HS3ST5: variants seen among roughly 807,000 people sequenced by gnomAD.
HS3ST5 encodes the protein heparan sulfate-glucosamine 3-sulfotransferase 5.
A neutral mutation model predicts 25.4 loss-of-function variants in HS3ST5; 10 were observed. That is an observed-to-expected ratio of 0.39 (90% CI 0.24 to 0.67). HS3ST5 has a LOEUF of 0.67. Ranked by LOEUF, HS3ST5 falls within the 30% of genes least tolerant of loss-of-function variation. HS3ST5 has a pLI of 0.44. For synonymous variants in HS3ST5, 170 were observed against 162.4 expected, an observed-to-expected ratio of 1.05 and a Z score of -0.36; for missense variants, 324 against 420.7, an observed-to-expected ratio of 0.77 and a Z score of 2.01.
At chr6:114,145,482 T>C (rs1582649729) in intron 3 of HS3ST5, among the ~76,000 whole-genome samples, 2 of 151,930 alleles carry the variant, frequency 1.3e-5, no homozygotes, top group Admixed American at 6.6e-5. Context: ...GAGAGACAGG[T>C]CCCCAAACCA....
chr6:114,322,560 T>C (rs1020805849), intron 1 of HS3ST5, among the ~76,000 whole-genome samples: 3 of 152,270 alleles, frequency 2.0e-5, no homozygotes, highest in Middle Eastern at 3.4e-3. Context: ...ATAAATTCCC[T>C]GTTGATAATG....
intron 3 of HS3ST5, among the ~76,000 whole-genome samples, chr6:114,071,304 C>T (rs919335972): frequency 5.3e-5 from 8 of 152,140 alleles, no homozygotes; most frequent in East Asian, 1.9e-4. Context: ...ATGCTAGACA[C>T]GTAGATGGAT....
chr6:114,191,381 A>G (rs898930385), intron 2 of HS3ST5, among the ~76,000 whole-genome samples: 3 of 152,230 alleles, frequency 2.0e-5, no homozygotes, highest in Non-Finnish European at 4.4e-5. Flanking sequence ...GCTTGAAGAA[A>G]AAACACATGA....
intron 3 of HS3ST5, among the ~76,000 whole-genome samples, chr6:114,119,140 C>T (rs1365223121): frequency 1.3e-5 from 2 of 152,132 alleles, no homozygotes; most frequent in African/African-American, 4.8e-5. Flanking sequence ...AGAAGAGGCA[C>T]ACAGTGAATG....
chr6:114,313,025 GAAAAAAAAAAAAAAAAAA>G (rs5879258), intron 1 of HS3ST5, among the ~76,000 whole-genome samples: 14 of 16,126 alleles, frequency 8.7e-4, no homozygotes, highest in African/African-American at 3.3e-3. Flanking sequence ...CCCTGCATCA[GAAAAAAAAAAAAAAAAAA>G]AAAAAAAAAA....
At chr6:114,223,609 AG>A in intron 2 of HS3ST5, among the ~76,000 whole-genome samples, 1 of 151,718 alleles carries the variant, frequency 6.6e-6, no homozygotes, top group African/African-American at 2.4e-5. Flanking sequence ...TGTTTAGGGT[AG>A]GGGGAGTCCA....
chr6:114,263,485 C>T (rs189036049), intron 1 of HS3ST5, among the ~76,000 whole-genome samples: 1 of 152,316 alleles, frequency 6.6e-6, no homozygotes, highest in African/African-American at 2.4e-5. Flanking sequence ...GCTATTTGAA[C>T]TTCTCACATA....
intron 2 of HS3ST5, among the ~76,000 whole-genome samples, chr6:114,170,579 A>C (rs77270313): frequency 0.016 from 2,474 of 152,292 alleles, 34 homozygotes; most frequent in African/African-American, 0.038. Flanking sequence ...TTTCGGATCA[A>C]AGCGAGTATA....
chr6:114,305,706 C>A (rs930078269), intron 1 of HS3ST5, among the ~76,000 whole-genome samples: 2 of 152,182 alleles, frequency 1.3e-5, no homozygotes, highest in Non-Finnish European at 2.9e-5. Flanking sequence ...CTTCTCTTCA[C>A]GTGAATATGT....
intron 3 of HS3ST5, among the ~76,000 whole-genome samples, chr6:114,092,073 AAG>A (rs1775148923): frequency 6.6e-6 from 1 of 152,210 alleles, no homozygotes; most frequent in African/African-American, 2.4e-5. Context: ...ACAGGCCAAA[AAG>A]AGGTCAGTGG....
intron 1 of HS3ST5, among the ~76,000 whole-genome samples, chr6:114,267,711 T>C (rs1048412024): frequency 2.0e-5 from 3 of 152,184 alleles, no homozygotes; most frequent in African/African-American, 4.8e-5. Flanking sequence ...AGTTGGTCTT[T>C]AGAATTCCAG....
At chr6:114,282,048 T>G (rs565055624) in intron 1 of HS3ST5, 6 of 152,146 alleles carry the variant, frequency 3.9e-5, no homozygotes, top group African/African-American at 1.4e-4. Flanking sequence ...AAGTATATAC[T>G]GAAATAATCT....
intron 2 of HS3ST5, among the ~76,000 whole-genome samples, chr6:114,206,710 A>G (rs1433515239): frequency 6.6e-6 from 1 of 152,258 alleles, no homozygotes; most frequent in Non-Finnish European, 1.5e-5. Flanking sequence ...TAGTCGAATA[A>G]GAGAAATTAA....
rs536332973 is a variant in HS3ST5, at chr6:114,219,345, C to T, written c.-145+9240G>A. Among the ~76,000 whole-genome samples the T allele has an allele frequency of 1.3e-4, 20 of 152,236 alleles. No individual in the cohort carries two copies. The East Asian group carries it at 2.1e-3, about 16-fold the overall frequency. On this transcript the variant is annotated intron_variant, in intron 2 of 4. Transcript: ENST00000312719. ...ACCATATAGGTTTACGTAGAGGGGA[C>T]GTGTGGCCCACTAATCCCCTTGTTG...
At chr6:114,253,299 T>C (rs1186478251) in intron 1 of HS3ST5, among the ~76,000 whole-genome samples, 1 of 152,186 alleles carries the variant, frequency 6.6e-6, no homozygotes, top group Non-Finnish European at 1.5e-5. Context: ...ATATTTTGCG[T>C]ATTTGGATAG....
chr6:114,219,334 C>A (rs143778444), intron 2 of HS3ST5, among the ~76,000 whole-genome samples: 4 of 152,266 alleles, frequency 2.6e-5, no homozygotes, highest in Non-Finnish European at 5.9e-5. Context: ...TATAGGTTTA[C>A]GTAGAGGGGA....
intron 1 of HS3ST5, among the ~76,000 whole-genome samples, chr6:114,280,263 G>T (rs1281294402): frequency 6.6e-6 from 1 of 151,934 alleles, no homozygotes; most frequent in African/African-American, 2.4e-5. Flanking sequence ...AGCACAATGG[G>T]ATACTCTACC....
chr6:114,102,414 T>C (rs1476939427), intron 3 of HS3ST5, among the ~76,000 whole-genome samples: 2 of 152,196 alleles, frequency 1.3e-5, no homozygotes, highest in African/African-American at 4.8e-5. Context: ...CTGTTGTTTG[T>C]CTACTTTCCC....
chr6:114,229,556 C>G lies in HS3ST5; in HGVS notation c.-338-778G>C, dbSNP rs530632817. Among the ~76,000 whole-genome samples, 7 of 152,280 alleles carry G rather than the reference C, an allele frequency of 4.6e-5. No individual in the cohort carries two copies. In the South Asian group the frequency reaches 1.4e-3, roughly 32 times the overall value. ...GCTTGGCCAACCACCGCGCCCAGCTCTCTTCTTTCTTGCTACACCTCTCAC... is the reference window on the plus strand; with the variant it reads ...GCTTGGCCAACCACCGCGCCCAGCTGTCTTCTTTCTTGCTACACCTCTCAC... On this transcript the variant is annotated intron_variant, in intron 1 of 4. Coordinates refer to ENST00000312719, the MANE Select transcript of HS3ST5 (RefSeq NM_153612.4).
Sources: allele counts gnomAD v4.1 joint callset (sites outside exome capture counted in the v4.1 genomes callset), GRCh38; gene constraint gnomAD v4.1.1; transcripts MANE v1.5; gene names NCBI Gene and HGNC (gene_info 2026-07-23, HGNC 2026-07-21).